Variants in TAL1 observed in about 807,000 individuals in gnomAD.
TAL1 encodes the protein TAL bHLH transcription factor 1, erythroid differentiation factor.
Under a neutral mutation model 17.9 loss-of-function variants are expected in TAL1, and 8 were observed. The ratio of observed to expected loss-of-function variants is 0.45; its 90% CI spans 0.26 to 0.81. TAL1 has a LOEUF of 0.81. Ranked by LOEUF, TAL1 falls within the 30% of genes least tolerant of loss-of-function variation. The pLI is 0.17. For missense variants in TAL1, 466 were observed against 486.9 expected, an observed-to-expected ratio of 0.96 and a Z score of 0.40; for synonymous variants, 223 against 218.6, an observed-to-expected ratio of 1.02 and a Z score of -0.18.
chr1:47,221,240 G>A (rs1643798666), intron 3 of TAL1, among the ~76,000 whole-genome samples: 1 of 152,200 alleles, frequency 6.6e-6, no homozygotes, highest in Non-Finnish European at 1.5e-5. Context: ...CGATGCAGAA[G>A]GGCTCTCATA....
At chr1:47,219,124 G>A (rs1403830262) in exon 4 of TAL1, 1 of 403,688 alleles carries the variant, frequency 2.5e-6, no homozygotes, top group Non-Finnish European at 4.7e-6. Flanking sequence ...AGCTCATCTA[G>A]AGCAGACTGT....
At chr1:47,225,686 C>T in exon 2 of TAL1, 2 of 1,427,950 alleles carry the variant, frequency 1.4e-6, no homozygotes, top group Non-Finnish European at 1.8e-6. Flanking sequence ...CGCGGCGCCG[C>T]CCCCACCGGC....
intron 3 of TAL1, 127 bp downstream of exon 4, chr1:47,223,877 T>G: frequency 1.1e-6 from 1 of 891,724 alleles, no homozygotes; most frequent in Non-Finnish European, 1.8e-6. Flanking sequence ...GCTTCGGCAG[T>G]TTGGGTTTGG....
exon 4 of TAL1, chr1:47,219,501 C>A: frequency 1.3e-6 from 1 of 754,642 alleles, no homozygotes; most frequent in Non-Finnish European, 2.3e-6. Flanking sequence ...ACAAAAAGTA[C>A]CTACCACTTT....
chr1:47,218,598 T>C (rs1645546289), exon 4 of TAL1: 1 of 233,040 alleles, frequency 4.3e-6, no homozygotes. Flanking sequence ...GCCTGGTCTC[T>C]GATTGGATTT....
chr1:47,222,479 G>A (rs909852633), intron 3 of TAL1, among the ~76,000 whole-genome samples: 43 of 152,262 alleles, frequency 2.8e-4, no homozygotes, highest in Non-Finnish European at 4.6e-4. Context: ...CATAGTAGGT[G>A]TCCAATACAT....
chr1:47,224,159 C>A, intron 2 of TAL1, 61 bp from the exon 4 acceptor site: 1 of 1,542,734 alleles, frequency 6.5e-7, no homozygotes, highest in Non-Finnish European at 8.9e-7. Flanking sequence ...GAAAGAGCTT[C>A]CTTAGGGATC....
At chr1:47,226,771 T>C (rs1378001834) in intron 1 of TAL1, among the ~76,000 whole-genome samples, 1 of 152,182 alleles carries the variant, frequency 6.6e-6, no homozygotes, top group Non-Finnish European at 1.5e-5. Context: ...TGAGGTAGAA[T>C]GGAGCTGGGC....
intron 2 of TAL1, among the ~76,000 whole-genome samples, chr1:47,224,570 G>GGCAC (rs1042246773): frequency 6.6e-6 from 1 of 152,034 alleles, no homozygotes; most frequent in African/African-American, 2.4e-5. Flanking sequence ...ACCACAAAGG[G>GGCAC]GCACACTGTC....
chr1:47,231,762 G>A (rs544054599), upstream of TAL1: 12 of 233,722 alleles, frequency 5.1e-5, no homozygotes, highest in South Asian at 2.0e-3. Flanking sequence ...AACCGCGCAG[G>A]CACACCACAC....
intron 2 of TAL1, among the ~76,000 whole-genome samples, chr1:47,224,569 G>A (rs76245860): frequency 0.011 from 1,712 of 152,114 alleles, 10 homozygotes; most frequent in Admixed American, 0.017. Flanking sequence ...CACCACAAAG[G>A]GGCACACTGT....
intron 3 of TAL1, among the ~76,000 whole-genome samples, chr1:47,220,661 A>T (rs1643771057): frequency 6.6e-6 from 1 of 152,242 alleles, no homozygotes. Context: ...CTAAGTCATG[A>T]GTTGTTACAT....
intron 3 of TAL1, chr1:47,223,736 A>G: frequency 2.7e-6 from 1 of 370,478 alleles, no homozygotes; most frequent in Non-Finnish European, 4.9e-6. Context: ...TTTGGGAACT[A>G]ACTCCAGAGG....
rs185993712 is a variant in TAL1, at chr1:47,218,261, G to A, written c.*1459C>T. Reference sequence around the variant, plus strand: ...AGGACTTCTGTGCAATTTGTCCCATGGGCTTAGATGCAGGTCACAGACAGG... The same window carrying A: ...AGGACTTCTGTGCAATTTGTCCCATAGGCTTAGATGCAGGTCACAGACAGG... On this transcript the variant is annotated 3_prime_UTR_variant, in exon 4 of 4. Transcript: ENST00000294339. 3.0e-4 allele frequency: 70 copies of A among 233,160 alleles called. No homozygotes were observed. In the Middle Eastern group the frequency reaches 3.8e-3, roughly 13 times the overall value. 14.4% of individuals were successfully genotyped at this position (233,160 alleles called of 1,614,324 possible).
At chr1:47,230,166 A>T (rs997972865), upstream of TAL1, 12 of 152,172 alleles carry the variant, frequency 7.9e-5, no homozygotes, top group African/African-American at 2.4e-4. Flanking sequence ...CGGGGTTTAG[A>T]CAGAGTAAGG....
At chr1:47,217,876 A>G (rs1039831683) in exon 4 of TAL1, 17 of 397,646 alleles carry the variant, frequency 4.3e-5, no homozygotes, top group African/African-American at 3.5e-4. Flanking sequence ...CAAACGTTGG[A>G]AAGGAACCAA....
At chr1:47,225,844 C>G in exon 2 of TAL1, 2 of 1,585,454 alleles carry the variant, frequency 1.3e-6, no homozygotes, top group Non-Finnish European at 8.5e-7. Context: ...GTCCCTCTAG[C>G]TGGGGGTCAC....
chr1:47,220,372 A>G (rs1643761911), intron 3 of TAL1, among the ~76,000 whole-genome samples, 198 bp from the exon 5 acceptor site: 1 of 152,066 alleles, frequency 6.6e-6, no homozygotes, highest in Non-Finnish European at 1.5e-5. Flanking sequence ...GATGTAACCA[A>G]CCACCACGAT....
intron 1 of TAL1, chr1:47,227,015 CA>C (rs1380769260): frequency 6.6e-6 from 1 of 152,230 alleles, no homozygotes; most frequent in African/African-American, 2.4e-5. Flanking sequence ...GGCCGAATGT[CA>C]AGTCACTCAC....
Sources: gnomAD v4.1 joint callset for allele counts (sites outside exome capture counted in the v4.1 genomes callset) on GRCh38, gnomAD v4.1.1 for gene constraint, MANE v1.5 for transcripts, NCBI Gene and HGNC (gene_info 2026-07-23, HGNC 2026-07-21) for gene names.